The following ZNF423 variants were observed in gnomAD, a reference collection of about 807,000 sequenced individuals.
ZNF423 encodes Ebf-associated zinc finger protein.
ZNF423 carries 12 observed loss-of-function variants against 95.8 expected under a neutral mutation model. The observed-to-expected ratio is 0.13, with a 90% CI of 0.08 to 0.20. The LOEUF is 0.20. Ranked by LOEUF, ZNF423 falls within the 10% of genes least tolerant of loss-of-function variation. ZNF423 has a pLI of 1.00. For missense variants in ZNF423, 1,316 were observed against 1,737.1 expected (o/e 0.76, Z 4.31); for synonymous variants, 749 against 711.9 (o/e 1.05, Z -0.83).
At chr16:49,613,509 T>C (rs1342876924) in intron 5 of ZNF423, among the ~76,000 whole-genome samples, 2 of 152,140 alleles carry the variant, frequency 1.3e-5, no homozygotes, top group Non-Finnish European at 2.9e-5. Flanking sequence ...ATGGGCAACA[T>C]AGTGAGATCC....
intron 1 of ZNF423, among the ~76,000 whole-genome samples, chr16:49,833,405 C>G (rs1477429427): frequency 7.2e-5 from 11 of 152,230 alleles, no homozygotes; most frequent in Non-Finnish European, 1.5e-5. Flanking sequence ...AGAACAATCA[C>G]TATGCAAATG....
In ZNF423 at chr16:49,508,671, C is replaced by T. The variant is rs1967757918; in HGVS notation, c.3849+14953G>A. On this transcript the variant is annotated intron_variant, in intron 7 of 7. Transcript: ENST00000563137. ...GACTTCTCCTTGTGCGTCCCTTCTC[C>T]CCTATGTGAGGAGAGACCGGGTTAG... 2.0e-5 allele frequency among the ~76,000 whole-genome samples: 3 copies of T among 152,082 alleles called. No homozygotes were observed. The South Asian group carries it at 6.2e-4, about 32-fold the overall frequency.
intron 5 of ZNF423, among the ~76,000 whole-genome samples, chr16:49,606,078 T>C (rs1321669138): frequency 6.6e-6 from 1 of 152,196 alleles, no homozygotes; most frequent in Non-Finnish European, 1.5e-5. Context: ...GCCATTGTCA[T>C]AGCAGCTCTG....
chr16:49,731,354 C>G (rs1014872757), intron 2 of ZNF423: 1 of 985,428 alleles, frequency 1.0e-6, no homozygotes, highest in African/African-American at 1.7e-5. Context: ...GTTTTCCCCA[C>G]AGCCTTGCAA....
intron 5 of ZNF423, among the ~76,000 whole-genome samples, chr16:49,599,539 C>T (rs992578883): frequency 6.6e-6 from 1 of 152,176 alleles, no homozygotes; most frequent in Admixed American, 6.5e-5. Context: ...AGCCAGGATT[C>T]ATAGACAACA....
In ZNF423 at chr16:49,562,307, C is replaced by T. The variant is rs561807225; in HGVS notation, c.3602-36813G>A. Among the ~76,000 whole-genome samples, 7 of 152,272 alleles carry T rather than the reference C, an allele frequency of 4.6e-5. No individual in the cohort carries two copies. The East Asian group carries it at 5.8e-4, about 13-fold the overall frequency. On this transcript the variant is annotated intron_variant, in intron 5 of 7. Coordinates refer to ENST00000563137, the MANE Select transcript of ZNF423 (RefSeq NM_001379286.1). ...CAGTCCCAGCCAGCTGAACTGGATC[C>T]GTGTGAGTCTTAAACAAATTAACTC... is the stretch of plus-strand genomic sequence containing the variant.
chr16:49,835,718 G>A (rs1309714369), intron 1 of ZNF423, among the ~76,000 whole-genome samples: 1 of 152,248 alleles, frequency 6.6e-6, no homozygotes, highest in Non-Finnish European at 1.5e-5. Flanking sequence ...CAGGTTCCAG[G>A]AAGCCTGCAT....
chr16:49,664,023 C>T (rs1281948856), intron 3 of ZNF423: 1 of 974,034 alleles, frequency 1.0e-6, no homozygotes, highest in African/African-American at 1.8e-5. Flanking sequence ...AGACACCAGC[C>T]TGTTTTATTC....
intron 1 of ZNF423, among the ~76,000 whole-genome samples, chr16:49,792,185 A>T (rs1033938949): frequency 6.7e-6 from 1 of 149,450 alleles, no homozygotes; most frequent in Admixed American, 6.7e-5. Flanking sequence ...TTCTCCTCTG[A>T]CCTCTGTGCA....
intron 5 of ZNF423, among the ~76,000 whole-genome samples, chr16:49,622,585 C>T (rs542943095): frequency 2.0e-5 from 3 of 152,352 alleles, no homozygotes; most frequent in Admixed American, 2.0e-4. Flanking sequence ...TCTGGGAGCA[C>T]CCACATCACT....
At chr16:49,681,158 C>T (rs73569291) in intron 3 of ZNF423, among the ~76,000 whole-genome samples, 2,210 of 152,224 alleles carry the variant, frequency 0.015, 56 homozygotes, top group African/African-American at 0.05. Flanking sequence ...CACTATGTGG[C>T]GGACTCAGTA....
At chr16:49,735,845 G>A (rs900145326) in intron 2 of ZNF423, among the ~76,000 whole-genome samples, 31 of 152,314 alleles carry the variant, frequency 2.0e-4, no homozygotes, top group Admixed American at 1.4e-3. Context: ...AACACCATGC[G>A]GCTGCAACTG....
chr16:49,569,276 G>A (rs1970289350), intron 5 of ZNF423, among the ~76,000 whole-genome samples: 1 of 152,196 alleles, frequency 6.6e-6, no homozygotes, highest in Admixed American at 6.5e-5. Flanking sequence ...TGGACTCCTG[G>A]AGAAGGCAAT....
intron 1 of ZNF423, chr16:49,854,997 G>T (rs945101540): frequency 4.1e-6 from 4 of 984,930 alleles, no homozygotes; most frequent in East Asian, 2.3e-4. Context: ...GCGCACCGCG[G>T]CCGCTGAGCT....
chr16:49,697,101 C>T (rs1298712564), intron 3 of ZNF423, among the ~76,000 whole-genome samples: 2 of 152,180 alleles, frequency 1.3e-5, no homozygotes, highest in African/African-American at 4.8e-5. Context: ...TTCCAGAATT[C>T]CCCAGGGCTC....
intron 5 of ZNF423, among the ~76,000 whole-genome samples, chr16:49,583,608 C>A (rs1183390784): frequency 7.9e-5 from 12 of 152,142 alleles, no homozygotes; most frequent in African/African-American, 1.2e-4. Context: ...TATATATACA[C>A]ATACATAAAT....
chr16:49,815,426 C>T (rs2034821457), intron 1 of ZNF423, among the ~76,000 whole-genome samples: 2 of 152,130 alleles, frequency 1.3e-5, no homozygotes, highest in African/African-American at 4.8e-5. Context: ...GGCCTGGCAC[C>T]TGCTTCTGCT....
chr16:49,550,081 T>C (rs1469699556), intron 5 of ZNF423, among the ~76,000 whole-genome samples: 1 of 152,198 alleles, frequency 6.6e-6, no homozygotes, highest in East Asian at 1.9e-4. Flanking sequence ...TTGTCCAAGC[T>C]GGTCTCGAAC....
chr16:49,848,473 C>T (rs1235378386), intron 1 of ZNF423, among the ~76,000 whole-genome samples: 1 of 152,130 alleles, frequency 6.6e-6, no homozygotes, highest in African/African-American at 2.4e-5. Context: ...GTTCTCCCTC[C>T]AAAACAAACC....
Sources: gnomAD v4.1 joint callset for allele counts (sites outside exome capture counted in the v4.1 genomes callset) on GRCh38, gnomAD v4.1.1 for gene constraint, MANE v1.5 for transcripts, NCBI Gene and HGNC (gene_info 2026-07-23, HGNC 2026-07-21) for gene names.